The following SDK1 variants were observed in gnomAD, a reference collection of about 807,000 sequenced individuals.
The protein encoded by SDK1 is protein sidekick-1.
A neutral mutation model predicts 245.5 loss-of-function variants in SDK1; 157 were observed. The ratio of observed to expected loss-of-function variants is 0.64; its 90% CI spans 0.56 to 0.73. SDK1 has a LOEUF of 0.73. SDK1 is among the 30% of genes least tolerant of loss of function. The pLI, the probability that SDK1 is intolerant of heterozygous loss-of-function variation, is 0.00. For synonymous variants in SDK1, 1,647 were observed against 1,278.5 expected (o/e 1.29, Z -6.15); for missense variants, 3,583 against 3,002.3 (o/e 1.19, Z -4.52).
chr7:4,222,341 C>G (rs1318636964), intron 40 of SDK1, among the ~76,000 whole-genome samples: 1 of 152,182 alleles, frequency 6.6e-6, no homozygotes, highest in East Asian at 1.9e-4. Context: ...GTCACCCAGC[C>G]TGGAGTGCAG....
chr7:3,470,745 T>C (rs1037081729), intron 1 of SDK1, among the ~76,000 whole-genome samples: 8 of 152,306 alleles, frequency 5.3e-5, no homozygotes, highest in Non-Finnish European at 5.9e-5. Context: ...AAATTCCTTT[T>C]CCGAAATCCC....
intron 5 of SDK1, among the ~76,000 whole-genome samples, chr7:3,856,481 T>TAAAAAAA (rs34024559): frequency 8.4e-6 from 1 of 119,240 alleles, no homozygotes; most frequent in African/African-American, 3.2e-5. Context: ...CAGGTAATGT[T>TAAAAAAA]AAAAAAAAAA....
At chr7:3,571,967 C>G (rs1051088351) in intron 1 of SDK1, among the ~76,000 whole-genome samples, 2 of 152,060 alleles carry the variant, frequency 1.3e-5, no homozygotes, top group African/African-American at 4.8e-5. Context: ...TACTTACTTG[C>G]TATCTGCTGT....
At chr7:3,582,548 G>A (rs1780538075) in intron 1 of SDK1, among the ~76,000 whole-genome samples, 1 of 152,050 alleles carries the variant, frequency 6.6e-6, no homozygotes, top group Non-Finnish European at 1.5e-5. Flanking sequence ...AGGGTGGGAG[G>A]AGGGAAATGA....
chr7:4,233,136 G>C (rs1785903414), intron 40 of SDK1, 119 bp from the exon 41 acceptor site: 1 of 884,904 alleles, frequency 1.1e-6, no homozygotes, highest in African/African-American at 1.7e-5. Context: ...TCCGCATCCA[G>C]TGCCCCTGAT....
intron 30 of SDK1, among the ~76,000 whole-genome samples, chr7:4,155,131 A>G (rs1293046508): frequency 6.6e-6 from 1 of 151,588 alleles, no homozygotes; most frequent in Admixed American, 6.6e-5. Context: ...TGCCTGCCTC[A>G]TTTGGGCAGT....
chr7:3,524,784 G>GT (rs1283885502), intron 1 of SDK1, among the ~76,000 whole-genome samples: 1 of 152,264 alleles, frequency 6.6e-6, no homozygotes, highest in South Asian at 2.1e-4. Flanking sequence ...CAAATCTGGA[G>GT]TTATACTCTG....
At chr7:4,234,161 G>C (rs1785994520) in intron 41 of SDK1, among the ~76,000 whole-genome samples, 1 of 152,228 alleles carries the variant, frequency 6.6e-6, no homozygotes, top group African/African-American at 2.4e-5. Flanking sequence ...AGGGGCCGGG[G>C]ATAGTAGCTG....
chr7:3,550,350 C>T (rs1176131402), intron 1 of SDK1, among the ~76,000 whole-genome samples: 1 of 152,098 alleles, frequency 6.6e-6, no homozygotes, highest in Non-Finnish European at 1.5e-5. Context: ...AATGTAGTCT[C>T]CAGATGAATT....
intron 1 of SDK1, among the ~76,000 whole-genome samples, chr7:3,304,483 C>G (rs34735349): frequency 0.4 from 60,117 of 152,032 alleles, 12,775 homozygotes; most frequent in South Asian, 0.5. Context: ...CAGTAGACCT[C>G]CTAGATTCAG....
At chr7:3,761,590 T>C (rs758253630) in intron 4 of SDK1, among the ~76,000 whole-genome samples, 2 of 149,268 alleles carry the variant, frequency 1.3e-5, no homozygotes, top group African/African-American at 2.5e-5. Flanking sequence ...GCCTAATCAT[T>C]GTACAAGGAT....
intron 1 of SDK1, among the ~76,000 whole-genome samples, chr7:3,596,504 T>C (rs1022410051): frequency 6.6e-6 from 1 of 152,294 alleles, no homozygotes; most frequent in African/African-American, 2.4e-5. Flanking sequence ...AGATGTTAAG[T>C]GCATAAGCCG....
At chr7:4,054,138 A>C (rs1475786298) in intron 19 of SDK1, among the ~76,000 whole-genome samples, 1 of 151,984 alleles carries the variant, frequency 6.6e-6, no homozygotes, top group African/African-American at 2.4e-5. Context: ...ATGGGGTTTC[A>C]CCATGTTGGC....
At chr7:4,152,281 C>T (rs1201278005) in intron 30 of SDK1, among the ~76,000 whole-genome samples, 1 of 152,206 alleles carries the variant, frequency 6.6e-6, no homozygotes, top group Non-Finnish European at 1.5e-5. Context: ...AGCTCTCTCC[C>T]CTCCAGAGGA....
At chr7:3,505,425 T>G (rs567644540) in intron 1 of SDK1, among the ~76,000 whole-genome samples, 1 of 152,198 alleles carries the variant, frequency 6.6e-6, no homozygotes, top group African/African-American at 2.4e-5. Flanking sequence ...GTTTTTGAAA[T>G]CTTTTTGCAG....
intron 22 of SDK1, among the ~76,000 whole-genome samples, chr7:4,106,454 C>G (rs1010327584): frequency 6.6e-6 from 1 of 152,048 alleles, no homozygotes; most frequent in Non-Finnish European, 1.5e-5. Context: ...CAGGCACCCA[C>G]CACCACGCCT....
Position 3,627,609 on chromosome 7 carries a change from G to A in SDK1, c.458+8370G>A, listed in dbSNP as rs138659893. On this transcript the variant is annotated intron_variant, in intron 2 of 44. Transcript: ENST00000404826. ...TGAGGGCTCAGCATCAGTCTCTGCC[G>A]TTGCCACGTTTGGCATCTGGCATTG... 1.3e-3 allele frequency among the ~76,000 whole-genome samples: 192 copies of A among 152,298 alleles called. 1 individual carries two copies. Among genetic ancestry groups the A allele is most frequent in the Non-Finnish European group, 2.0e-3 (139 of 68,018 alleles).
At chr7:4,185,783 A>G (rs986016018) in intron 35 of SDK1, among the ~76,000 whole-genome samples, 2 of 151,612 alleles carry the variant, frequency 1.3e-5, no homozygotes, top group East Asian at 2.0e-4. Context: ...AGGCCAGAAC[A>G]TAGAAAACAT....
intron 4 of SDK1, among the ~76,000 whole-genome samples, chr7:3,814,258 A>G (rs1269480937): frequency 1.3e-5 from 2 of 151,246 alleles, no homozygotes; most frequent in Non-Finnish European, 2.9e-5. Context: ...CTAATGTTTA[A>G]ATCTTTAATC....
Sources: allele counts gnomAD v4.1 joint callset (sites outside exome capture counted in the v4.1 genomes callset), GRCh38; gene constraint gnomAD v4.1.1; transcripts MANE v1.5; gene names NCBI Gene and HGNC (gene_info 2026-07-23, HGNC 2026-07-21).